ITGB3BP: variants seen among roughly 807,000 people sequenced by gnomAD.
ITGB3BP encodes centromere protein R.
In ITGB3BP, 27 loss-of-function variants were observed where a neutral mutation model predicts 29.1. The observed-to-expected ratio is 0.93, with a 90% CI of 0.68 to 1.28. The LOEUF (loss-of-function observed/expected upper bound fraction) is 1.28, where lower values mean the gene tolerates loss of function less well. Among genes scored for constraint, ITGB3BP ranks in the 50% most tolerant of loss-of-function variants. ITGB3BP has a pLI of 0.00. For missense variants in ITGB3BP, 192 were observed against 200.2 expected (o/e 0.96, Z 0.25); for synonymous variants, 61 against 61.4 (o/e 0.99, Z 0.03).
upstream of ITGB3BP, among the ~76,000 whole-genome samples, chr1:63,524,411 C>T (rs1206697684): frequency 1.3e-5 from 2 of 152,146 alleles, no homozygotes; most frequent in Non-Finnish European, 2.9e-5. Context: ...AGGCGGCCTG[C>T]GTATTATAAA....
chr1:63,501,493 G>T (rs1470740453), intron 2 of ITGB3BP, among the ~76,000 whole-genome samples: 1 of 152,090 alleles, frequency 6.6e-6, no homozygotes, highest in East Asian at 1.9e-4. Context: ...TAATAGGTAT[G>T]GGGTTTCCTT....
chr1:63,455,113 CCT>C (rs1242095588), intron 4 of ITGB3BP, 145 bp from the exon 5 acceptor site: 2 of 527,968 alleles, frequency 3.8e-6, no homozygotes, highest in Non-Finnish European at 6.8e-6. Context: ...TCAACTGTCC[CCT>C]CTTTTGGAGT....
At chr1:63,465,712 G>C (rs1366687793) in intron 4 of ITGB3BP, among the ~76,000 whole-genome samples, 3 of 152,014 alleles carry the variant, frequency 2.0e-5, no homozygotes, top group African/African-American at 7.2e-5. Flanking sequence ...TTTGTTTGCA[G>C]TTCTTAAGCA....
At chr1:63,513,152 C>G (rs1159224190) in intron 1 of ITGB3BP, among the ~76,000 whole-genome samples, 1 of 152,102 alleles carries the variant, frequency 6.6e-6, no homozygotes, top group African/African-American at 2.4e-5. Context: ...CCAGTTTTCT[C>G]CAATGTAGTA....
chr1:63,447,893 G>A lies in ITGB3BP; in HGVS notation c.485-1037C>T, dbSNP rs376886910. On this transcript the variant is annotated intron_variant, in intron 7 of 8. Transcript: ENST00000271002. ...ACACATGCACACGTATGTTTATTGC[G>A]GCACTATTCACAATAGCAAAGACTT... 2,193 of 245,376 alleles carry A rather than the reference G, an allele frequency of 8.9e-3. 34 individuals carry two copies. The highest frequency in any genetic ancestry group is 0.046 in the African/African-American group (2,057 of 44,248). 15.2% of individuals were successfully genotyped at this position (245,376 alleles called of 1,614,324 possible).
Position 63,454,560 on chromosome 1 carries a change from C to A in ITGB3BP, c.334-87G>T. ...TAGTGAAAATACAGTATATTGTTTC[C>A]TTCATTTGAAAAACTTAAACTTTAT... On this transcript the variant is annotated intron_variant, in intron 5 of 8. Coordinates refer to ENST00000271002, the MANE Select transcript of ITGB3BP (RefSeq NM_014288.5). This position sits in a 1 kb window ranked among gnomAD's most constrained non-coding sequence, Gnocchi z 4.1. The A allele has an allele frequency of 1.6e-6, 1 of 621,152 alleles. No individual in the cohort carries two copies. The highest frequency in any genetic ancestry group is 2.8e-6 in the Non-Finnish European group (1 of 361,792). The allele number at this position is 621,152 out of a possible 1,614,324, so 38.5% of individuals were successfully genotyped here. A position where few individuals can be genotyped will look rare whatever the true frequency, so the allele number is the denominator to read the frequency against.
At chr1:63,488,783 T>C (rs554578258) in intron 3 of ITGB3BP, among the ~76,000 whole-genome samples, 2 of 152,068 alleles carry the variant, frequency 1.3e-5, no homozygotes, top group Non-Finnish European at 2.9e-5. Context: ...AACCACTATG[T>C]AGGTCAAAAA....
At chr1:63,447,277 T>C (rs1644801554) in intron 7 of ITGB3BP, among the ~76,000 whole-genome samples, 2 of 152,114 alleles carry the variant, frequency 1.3e-5, no homozygotes. Context: ...GGTAAGAAAA[T>C]AGCAATTTAT....
At chr1:63,476,279 T>G (rs1385006047) in intron 4 of ITGB3BP, among the ~76,000 whole-genome samples, 1 of 151,968 alleles carries the variant, frequency 6.6e-6, no homozygotes, top group African/African-American at 2.4e-5. Flanking sequence ...TTCTCCTGCC[T>G]CAGCCTCCTG....
Position 63,454,340 on chromosome 1 carries a change from T to A in ITGB3BP, c.427+40A>T. ...TAAATGAGACAAATTAATAGGTTTATCTTTAAAATTACTGTCATTGAAAAC... is the reference window on the plus strand; with the variant it reads ...TAAATGAGACAAATTAATAGGTTTAACTTTAAAATTACTGTCATTGAAAAC... On this transcript the variant is annotated intron_variant, in intron 6 of 8. Transcript: ENST00000271002. The surrounding 1 kb of genome is among the most constrained non-coding windows in gnomAD (Gnocchi z 4.1). 2.0e-6 allele frequency: 2 copies of A among 998,138 alleles called. No individual in the cohort carries two copies. Among genetic ancestry groups the A allele is most frequent in the Non-Finnish European group, 3.1e-6 (2 of 637,152 alleles). 61.8% of individuals were successfully genotyped at this position (998,138 alleles called of 1,614,324 possible).
chr1:63,500,281 G>A (rs1334622034), intron 2 of ITGB3BP, among the ~76,000 whole-genome samples: 1 of 152,124 alleles, frequency 6.6e-6, no homozygotes. Flanking sequence ...GGAAGGCCGA[G>A]GCAGGAGAAC....
intron 4 of ITGB3BP, among the ~76,000 whole-genome samples, chr1:63,467,267 C>T (rs1167099985): frequency 6.6e-6 from 1 of 152,010 alleles, no homozygotes; most frequent in East Asian, 1.9e-4. Context: ...GTTCTCATAT[C>T]AGAAAATAGA....
chr1:63,494,841 C>A (rs1043231399), intron 2 of ITGB3BP, among the ~76,000 whole-genome samples: 2 of 152,140 alleles, frequency 1.3e-5, no homozygotes, highest in South Asian at 4.1e-4. Flanking sequence ...CTTTCTCTGT[C>A]GCCTAGACTG....
At chr1:63,514,944 C>CAAAAAAAAAA (rs55738892) in intron 1 of ITGB3BP, among the ~76,000 whole-genome samples, 1 of 117,108 alleles carries the variant, frequency 8.5e-6, no homozygotes, top group African/African-American at 3.2e-5. Flanking sequence ...GACTCTGTCT[C>CAAAAAAAAAA]AAAAAAAAAA....
intron 3 of ITGB3BP, among the ~76,000 whole-genome samples, chr1:63,485,185 A>C (rs1645503878): frequency 1.3e-5 from 2 of 152,120 alleles, no homozygotes; most frequent in African/African-American, 2.4e-5. Flanking sequence ...ATATACGTCA[A>C]GTACCATTCT....
chr1:63,460,614 T>C (rs1040370759), intron 4 of ITGB3BP, among the ~76,000 whole-genome samples: 1 of 152,198 alleles, frequency 6.6e-6, no homozygotes, highest in Non-Finnish European at 1.5e-5. Flanking sequence ...CATTGGTATA[T>C]AAATATCTGA....
chr1:63,490,333 T>A (rs1384231557), intron 2 of ITGB3BP, 115 bp from the exon 3 acceptor site: 4 of 675,536 alleles, frequency 5.9e-6, no homozygotes, highest in South Asian at 4.1e-5. Flanking sequence ...CTCTTGCTTT[T>A]CAGATTACAA....
Position 63,523,187 on chromosome 1 carries a change from C to A in ITGB3BP, c.-54G>T, listed in dbSNP as rs376518081. The stretch of plus-strand genomic sequence containing the variant: ...CTGAATAAAACGAACCCAGCAACTT[C>A]CGAAAACAGAAAATCCGCCAAAGGA... On this transcript the variant is annotated 5_prime_UTR_variant, in exon 1 of 9. Coordinates refer to ENST00000271002, the MANE Select transcript of ITGB3BP (RefSeq NM_014288.5). 1.9e-6 allele frequency: 3 copies of A among 1,612,520 alleles called. No individual in the cohort carries two copies. Among genetic ancestry groups the A allele is most frequent in the Admixed American group, 3.3e-5 (2 of 59,976 alleles).
At chr1:63,450,692 T>C (rs979057462) in intron 7 of ITGB3BP, among the ~76,000 whole-genome samples, 2 of 151,994 alleles carry the variant, frequency 1.3e-5, no homozygotes, top group Admixed American at 1.3e-4. Context: ...TTTCATTTCA[T>C]TATTTTCCTA....
Sources: gnomAD v4.1 joint callset for allele counts (sites outside exome capture counted in the v4.1 genomes callset) on GRCh38, gnomAD v4.1.1 for gene constraint, Gnocchi (gnomAD v3.1) non-coding constraint, MANE v1.5 for transcripts, NCBI Gene and HGNC (gene_info 2026-07-23, HGNC 2026-07-21) for gene names.